TXNRD1: variants seen among roughly 807,000 people sequenced by gnomAD.
TXNRD1 encodes the protein thioredoxin reductase 1, also known as thioredoxin reductase 1, cytoplasmic.
Under a neutral mutation model 80.3 loss-of-function variants are expected in TXNRD1, and 57 were observed. That is an observed-to-expected ratio of 0.71 (90% CI 0.57 to 0.89). The LOEUF is 0.89. TXNRD1 is among the 40% of genes least tolerant of loss of function. The probability of loss-of-function intolerance (pLI) is 0.00; values close to 1 mark genes in which losing one functional copy is unlikely to be tolerated. For missense variants in TXNRD1, 730 were observed against 803.0 expected (o/e 0.91, Z 1.10); for synonymous variants, 291 against 285.2 (o/e 1.02, Z -0.20).
intron 2 of TXNRD1, among the ~76,000 whole-genome samples, chr12:104,253,629 C>G (rs73394561): frequency 6.6e-6 from 1 of 152,180 alleles, no homozygotes; most frequent in African/African-American, 2.4e-5. Context: ...TCCCCCGCAC[C>G]GCCTGCCACT....
intron 15 of TXNRD1, 133 bp downstream of exon 15, chr12:104,334,465 C>A: frequency 2.8e-6 from 1 of 356,916 alleles, no homozygotes. Context: ...TCACTGCAAC[C>A]TCCGCCTCCC....
At chr12:104,274,822 G>A (rs2033722900) in intron 3 of TXNRD1, among the ~76,000 whole-genome samples, 4 of 152,078 alleles carry the variant, frequency 2.6e-5, no homozygotes, top group Admixed American at 2.6e-4. Flanking sequence ...TGGTGGTGAG[G>A]GTGGTTGATC....
At chr12:104,260,788 A>G (rs1206674821) in intron 3 of TXNRD1, among the ~76,000 whole-genome samples, 1 of 152,194 alleles carries the variant, frequency 6.6e-6, no homozygotes, top group East Asian at 1.9e-4. Context: ...TGAATTAGGG[A>G]AAAATAACCA....
rs1482871456 is a variant in TXNRD1 at position 104,289,311 on chromosome 12, C to G, written c.414+271C>G. On this transcript the variant is annotated intron_variant, in intron 4 of 16. Transcript: ENST00000525566. ...AAATGTCCTTTTTCTCCTATTTCCC[C>G]TTCCTCTTTCCCTCCCAGTTGTAAA... is the stretch of plus-strand genomic sequence containing the variant. 4 of 324,824 alleles carry G rather than the reference C, an allele frequency of 1.2e-5. No homozygotes were observed. The East Asian group carries it at 2.1e-4, about 17-fold the overall frequency. 20.1% of individuals were successfully genotyped at this position (324,824 alleles called of 1,614,324 possible).
Position 104,304,047 on chromosome 12 carries a change from G to A in TXNRD1, c.415-7243G>A, listed in dbSNP as rs774171990. 5 of 1,613,646 alleles carry A rather than the reference G, an allele frequency of 3.1e-6. No homozygotes were observed. In the South Asian group the frequency reaches 5.5e-5, roughly 18 times the overall value. ...CTCACCGCTGACGAGGAGAAGTGCC[G>A]CAGCATCCGCAGGCAGTACCGGCAG... is the stretch of plus-strand genomic sequence containing the variant. On this transcript the variant is annotated intron_variant, in intron 4 of 16. Coordinates refer to ENST00000525566, the MANE Select transcript of TXNRD1 (RefSeq NM_001093771.3).
At chr12:104,259,464 G>C (rs896026986) in intron 3 of TXNRD1, among the ~76,000 whole-genome samples, 1 of 150,404 alleles carries the variant, frequency 6.6e-6, no homozygotes, top group South Asian at 2.1e-4. Flanking sequence ...TGGGAGATAT[G>C]AACAATTGGC....
intron 1 of TXNRD1, among the ~76,000 whole-genome samples, chr12:104,229,164 T>TTTTTG (rs1565853077): frequency 2.4e-5 from 3 of 122,864 alleles, no homozygotes; most frequent in African/African-American, 3.0e-5. Flanking sequence ...TTTTTTTTTT[T>TTTTTG]TGAGACAGGG....
intron 6 of TXNRD1, among the ~76,000 whole-genome samples, chr12:104,314,259 C>A (rs533183340): frequency 1.3e-5 from 2 of 152,046 alleles, no homozygotes; most frequent in South Asian, 2.1e-4. Context: ...TATAAATGAG[C>A]CTTTGAAGAC....
intron 3 of TXNRD1, chr12:104,287,251 C>T: frequency 6.2e-7 from 1 of 1,613,708 alleles, no homozygotes. Context: ...TATTTTAAGG[C>T]GTGTCTGAGC....
At chr12:104,227,930 A>G (rs1354405914) in intron 1 of TXNRD1, among the ~76,000 whole-genome samples, 3 of 152,268 alleles carry the variant, frequency 2.0e-5, no homozygotes, top group Non-Finnish European at 4.4e-5. Context: ...CCTTTCATTC[A>G]TTGAAGGATA....
At chr12:104,335,265 G>C (rs996506899) in intron 15 of TXNRD1, among the ~76,000 whole-genome samples, 1 of 147,248 alleles carries the variant, frequency 6.8e-6, no homozygotes, top group Non-Finnish European at 1.5e-5. Flanking sequence ...GCAGTGGCGT[G>C]ATCTTGGTTC....
intron 13 of TXNRD1, among the ~76,000 whole-genome samples, chr12:104,330,505 G>T (rs551440101): frequency 6.6e-6 from 1 of 152,062 alleles, no homozygotes; most frequent in Non-Finnish European, 1.5e-5. Flanking sequence ...TTTCCCCATG[G>T]TCTTCTTTAC....
intron 12 of TXNRD1, 68 bp from the exon 13 acceptor site, chr12:104,327,447 C>T (rs144888502): frequency 1.7e-5 from 25 of 1,485,678 alleles, no homozygotes; most frequent in Middle Eastern, 1.8e-4. Context: ...CCTGAAAAAA[C>T]GGAAGATTTT....
rs143433944 is a variant in TXNRD1, at chr12:104,349,229, A to C, written c.*808A>C. On this transcript the variant is annotated 3_prime_UTR_variant, in exon 17 of 17. Transcript: ENST00000525566. ...CAGAAATGGGGGAGAAACAGTACAT[A>C]TCTTTCTGTCTTTAGTTTATTGTGT... 4 of 152,366 alleles carry C rather than the reference A, an allele frequency of 2.6e-5. No homozygotes were observed. In the East Asian group the frequency reaches 7.7e-4, roughly 29 times the overall value. 9.4% of individuals were successfully genotyped at this position (152,366 alleles called of 1,614,324 possible).
In TXNRD1 at chr12:104,265,779, G is replaced by T. The variant is rs568101794; in HGVS notation, c.304+7700G>T. Reference sequence around the variant, plus strand: ...AGATCAAGTTCCCGCTGCCCCACCGGGTCCTGCGCCGTCAGCACAAGCCAC... The same window carrying T: ...AGATCAAGTTCCCGCTGCCCCACCGTGTCCTGCGCCGTCAGCACAAGCCAC... On this transcript the variant is annotated intron_variant, in intron 3 of 16. Transcript: ENST00000525566. 63 of 1,579,038 alleles carry T rather than the reference G, an allele frequency of 4.0e-5. No individual in the cohort carries two copies. In the African/African-American group the frequency reaches 7.9e-4, roughly 20 times the overall value.
At chr12:104,230,703 A>G (rs1475269236) in intron 1 of TXNRD1, among the ~76,000 whole-genome samples, 2 of 152,192 alleles carry the variant, frequency 1.3e-5, no homozygotes, top group East Asian at 3.8e-4. Flanking sequence ...TAGGCAAGAA[A>G]GAAGGAAGAA....
intron 1 of TXNRD1, among the ~76,000 whole-genome samples, chr12:104,223,222 T>G (rs774011756): frequency 8.5e-5 from 13 of 152,202 alleles, no homozygotes; most frequent in Non-Finnish European, 1.8e-4. Context: ...GTGCAGCAGC[T>G]TTTCTCAAGT....
chr12:104,320,487 GA>G (rs1470978163), intron 9 of TXNRD1, among the ~76,000 whole-genome samples: 1 of 151,958 alleles, frequency 6.6e-6, no homozygotes, highest in East Asian at 1.9e-4. Context: ...GCATTTTGGG[GA>G]TACATAAACA....
intron 4 of TXNRD1, chr12:104,310,125 ATTAAAG>A (rs1441321747): frequency 4.7e-6 from 7 of 1,474,816 alleles, no homozygotes; most frequent in Non-Finnish European, 6.3e-6. Flanking sequence ...TTTTTTTGTT[ATTAAAG>A]TTAAGGCTTT....
Sources: gnomAD v4.1 joint callset for allele counts (sites outside exome capture counted in the v4.1 genomes callset) on GRCh38, gnomAD v4.1.1 for gene constraint, MANE v1.5 for transcripts, NCBI Gene and HGNC (gene_info 2026-07-23, HGNC 2026-07-21) for gene names.